Variants in ARHGAP12 observed in about 807,000 individuals in gnomAD.
ARHGAP12 encodes rho GTPase-activating protein 12.
In ARHGAP12, 64 loss-of-function variants were observed where a neutral mutation model predicts 108.6. That is an observed-to-expected ratio of 0.59 (90% CI 0.48 to 0.73). The LOEUF is 0.73. Among genes scored for constraint, ARHGAP12 ranks in the 30% least tolerant of loss-of-function variants. The pLI is 0.00. For missense variants in ARHGAP12, 940 were observed against 1,005.9 expected, an observed-to-expected ratio of 0.93 and a Z score of 0.89; for synonymous variants, 312 against 337.2, an observed-to-expected ratio of 0.93 and a Z score of 0.82.
At chr10:31,811,259 G>A (rs1327622529) in intron 15 of ARHGAP12, among the ~76,000 whole-genome samples, 1 of 152,200 alleles carries the variant, frequency 6.6e-6, no homozygotes. Flanking sequence ...ACCTAGGCTT[G>A]TGCCTGGCAC....
At chr10:31,831,124 T>C (rs1564376340) in intron 10 of ARHGAP12, among the ~76,000 whole-genome samples, 1 of 152,328 alleles carries the variant, frequency 6.6e-6, no homozygotes, top group South Asian at 2.1e-4. Context: ...ACAACTGACA[T>C]GTCTACCAAT....
chr10:31,878,453 A>G (rs1050181649), intron 3 of ARHGAP12, among the ~76,000 whole-genome samples: 1 of 152,168 alleles, frequency 6.6e-6, no homozygotes, highest in Non-Finnish European at 1.5e-5. Context: ...CATAATAGAC[A>G]CTTCTGTTTC....
At chr10:31,877,307 C>T (rs1837767791) in intron 3 of ARHGAP12, among the ~76,000 whole-genome samples, 1 of 152,182 alleles carries the variant, frequency 6.6e-6, no homozygotes, top group African/African-American at 2.4e-5. Context: ...TTAGTAAATA[C>T]ACTAACATAA....
chr10:31,819,956 A>G (rs200190858), intron 12 of ARHGAP12, among the ~76,000 whole-genome samples: 976 of 91,112 alleles, frequency 0.011, 11 homozygotes, highest in Non-Finnish European at 0.011. Flanking sequence ...GGAAAGGTTT[A>G]AAAAAAAAAA....
intron 3 of ARHGAP12, among the ~76,000 whole-genome samples, chr10:31,890,626 A>G (rs1159304199): frequency 6.6e-6 from 1 of 152,184 alleles, no homozygotes; most frequent in African/African-American, 2.4e-5. Flanking sequence ...GAGTGTGGCA[A>G]GAGAGGACTT....
chr10:31,862,784 C>T (rs915776324), intron 3 of ARHGAP12, among the ~76,000 whole-genome samples: 25 of 151,910 alleles, frequency 1.6e-4, no homozygotes, highest in African/African-American at 5.3e-4. Context: ...AGCCTCCAGA[C>T]ACTGATGAAT....
At chr10:31,811,859 C>G (rs908319139) in intron 15 of ARHGAP12, among the ~76,000 whole-genome samples, 1 of 151,900 alleles carries the variant, frequency 6.6e-6, no homozygotes, top group Non-Finnish European at 1.5e-5. Context: ...GAGGGTCTCT[C>G]TATGTTACCC....
Position 31,807,670 on chromosome 10 carries a change from G to A in ARHGAP12, c.2529C>T (p.Ile843=). 4 of 1,601,502 alleles carry A rather than the reference G, an allele frequency of 2.5e-6. No homozygotes were observed. The highest frequency in any genetic ancestry group is 3.4e-6 in the Non-Finnish European group (4 of 1,176,144). Residue 843 remains isoleucine, a synonymous_variant, in exon 20 of 20, where the codon ATC becomes ATT. Transcript: ENST00000344936. The part of the protein sequence containing the change: ...VELILLELSS[I]FGR Reference sequence around the variant, plus strand: ...TCTTCAGTAAGAATCAACGTCCGAAGATGGAACTCAGTTCCAGAAGAATTA... The same window carrying A: ...TCTTCAGTAAGAATCAACGTCCGAAAATGGAACTCAGTTCCAGAAGAATTA...
intron 10 of ARHGAP12, among the ~76,000 whole-genome samples, chr10:31,827,961 C>T (rs544828660): frequency 3.8e-4 from 57 of 151,994 alleles, no homozygotes; most frequent in African/African-American, 1.3e-3. Context: ...TTAATTACTA[C>T]TAGTGAAATA....
chr10:31,886,423 A>G (rs1431555122), intron 3 of ARHGAP12, among the ~76,000 whole-genome samples: 1 of 152,138 alleles, frequency 6.6e-6, no homozygotes, highest in Admixed American at 6.5e-5. Context: ...CCCAAGCCAA[A>G]TGACACTGTG....
In ARHGAP12 at chr10:31,879,030, T is replaced by C. The variant is rs564423010; in HGVS notation, c.685-17372A>G. Reference sequence around the variant, plus strand: ...TTCAACTATTTCAGCTATGCAAAAATAGAACATAGGTCAAAGTGTCACTTT... The same window carrying C: ...TTCAACTATTTCAGCTATGCAAAAACAGAACATAGGTCAAAGTGTCACTTT... On this transcript the variant is annotated intron_variant, in intron 3 of 19. Transcript: ENST00000344936. Among the ~76,000 whole-genome samples, 4 of 152,268 alleles carry C rather than the reference T, an allele frequency of 2.6e-5. No homozygotes were observed. In the South Asian group the frequency reaches 6.2e-4, roughly 24 times the overall value.
At chr10:31,818,606 G>T (rs1835296046) in intron 12 of ARHGAP12, among the ~76,000 whole-genome samples, 1 of 152,150 alleles carries the variant, frequency 6.6e-6, no homozygotes, top group East Asian at 1.9e-4. Flanking sequence ...TTTCCTAGAG[G>T]AAGATATGGC....
chr10:31,907,994 T>C (rs1414266450), intron 3 of ARHGAP12, among the ~76,000 whole-genome samples, 178 bp downstream of exon 3: 5 of 152,226 alleles, frequency 3.3e-5, no homozygotes, highest in Non-Finnish European at 7.3e-5. Flanking sequence ...AGTGACCCTT[T>C]ATGAACTCCA....
intron 3 of ARHGAP12, among the ~76,000 whole-genome samples, chr10:31,875,573 C>T (rs1247305400): frequency 1.3e-5 from 2 of 152,188 alleles, no homozygotes; most frequent in African/African-American, 4.8e-5. Context: ...CAAAAGTTAA[C>T]CACCTCTTTA....
At position 31,889,155 on chromosome 10, in the gene ARHGAP12, G is replaced by A. The variant is rs988198332; in HGVS notation, c.684+19017C>T. ...TCGAACTCCTGACCTCAAGTGATCC[G>A]CCCACCTTGGCCTCCCAAAGTGCAG... On this transcript the variant is annotated intron_variant, in intron 3 of 19. Coordinates refer to ENST00000344936, the MANE Select transcript of ARHGAP12 (RefSeq NM_018287.7). 4.6e-5 allele frequency among the ~76,000 whole-genome samples: 7 copies of A among 152,100 alleles called. 1 individual carries two copies. The South Asian group carries it at 1.2e-3, about 27-fold the overall frequency.
In ARHGAP12 at chr10:31,807,455, C is replaced by A. The variant is rs772728180; in HGVS notation, c.*203G>T. ...AGGATAAAATGAATTCATAATTACA[C>A]GCAGTTATATCAACTTGCAACAAAG... On this transcript the variant is annotated 3_prime_UTR_variant, in exon 20 of 20. Coordinates refer to ENST00000344936, the MANE Select transcript of ARHGAP12 (RefSeq NM_018287.7). The A allele has an allele frequency of 2.3e-6, 1 of 425,626 alleles. No homozygotes were observed. Among genetic ancestry groups the A allele is most frequent in the Non-Finnish European group, 4.1e-6 (1 of 241,830 alleles). The allele number at this position is 425,626 out of a possible 1,614,324, so 26.4% of individuals were successfully genotyped here. A position where few individuals can be genotyped will look rare whatever the true frequency, so the allele number is the denominator to read the frequency against.
At chr10:31,897,751 A>C (rs532747315) in intron 3 of ARHGAP12, among the ~76,000 whole-genome samples, 152 of 152,288 alleles carry the variant, frequency 1.0e-3, no homozygotes, top group African/African-American at 3.4e-3. Context: ...GCAAGAAAAA[A>C]ACAGTATGAA....
At chr10:31,812,943 T>C in intron 14 of ARHGAP12, 120 bp from the exon 15 acceptor site, 1 of 511,704 alleles carries the variant, frequency 2.0e-6, no homozygotes, top group Non-Finnish European at 3.4e-6. Flanking sequence ...TACAATTCAG[T>C]TATTTTAACT....
intron 7 of ARHGAP12, among the ~76,000 whole-genome samples, chr10:31,842,835 T>C (rs545097922): frequency 3.2e-4 from 49 of 152,182 alleles, no homozygotes; most frequent in African/African-American, 1.1e-3. Context: ...ATCCCCAAAA[T>C]GAAGCTACAC....
Sources: gnomAD v4.1 joint callset for allele counts (sites outside exome capture counted in the v4.1 genomes callset) on GRCh38, gnomAD v4.1.1 for gene constraint, MANE v1.5 for transcripts, NCBI Gene and HGNC (gene_info 2026-07-23, HGNC 2026-07-21) for gene names.